Variants in KCNAB1 observed in about 807,000 individuals in gnomAD.
The protein encoded by KCNAB1 is voltage-gated potassium channel subunit beta-1.
Under a neutral mutation model 64.6 loss-of-function variants are expected in KCNAB1, and 35 were observed. That is an observed-to-expected ratio of 0.54 (90% CI 0.41 to 0.72). KCNAB1 has a LOEUF of 0.72. KCNAB1 is among the 30% of genes least tolerant of loss of function. The pLI is 0.00. For synonymous variants in KCNAB1, 177 were observed against 183.8 expected (o/e 0.96, Z 0.30); for missense variants, 401 against 512.9 (o/e 0.78, Z 2.11).
chr3:156,176,325 C>G, intron 1 of KCNAB1: 1 of 898,074 alleles, frequency 1.1e-6, no homozygotes, highest in Middle Eastern at 2.1e-4. Flanking sequence ...CATTGAAGGT[C>G]ACAGCTAACA....
intron 8 of KCNAB1, among the ~76,000 whole-genome samples, chr3:156,481,791 A>G (rs1470743239): frequency 6.6e-6 from 1 of 152,166 alleles, no homozygotes; most frequent in African/African-American, 2.4e-5. Context: ...GGGAAAAGCT[A>G]CTATCCTCAC....
chr3:156,369,864 A>G (rs1726187158), intron 1 of KCNAB1, among the ~76,000 whole-genome samples: 1 of 152,194 alleles, frequency 6.6e-6, no homozygotes, highest in South Asian at 2.1e-4. Context: ...TGAATTCTTA[A>G]TTTGCTCCAA....
intron 1 of KCNAB1, among the ~76,000 whole-genome samples, chr3:156,135,942 T>C (rs931349716): frequency 6.6e-6 from 1 of 152,242 alleles, no homozygotes; most frequent in Non-Finnish European, 1.5e-5. Context: ...ATAAGCATCA[T>C]TCAGATAATC....
intron 3 of KCNAB1, among the ~76,000 whole-genome samples, chr3:156,454,591 A>C (rs1712250630): frequency 6.6e-6 from 1 of 151,964 alleles, no homozygotes; most frequent in Non-Finnish European, 1.5e-5. Flanking sequence ...TTACTACAGG[A>C]CTCTGTCTGA....
chr3:156,142,229 T>C (rs576667924), intron 1 of KCNAB1, among the ~76,000 whole-genome samples: 14 of 152,358 alleles, frequency 9.2e-5, no homozygotes, highest in African/African-American at 3.4e-4. Flanking sequence ...TCACGTGGTA[T>C]TTCATAGAGC....
chr3:156,140,282 A>G (rs1196845995), intron 1 of KCNAB1, among the ~76,000 whole-genome samples: 5 of 152,184 alleles, frequency 3.3e-5, no homozygotes, highest in Admixed American at 1.3e-4. Flanking sequence ...TGGTAGTAAG[A>G]TAATGTTTTC....
chr3:156,150,374 G>A (rs998557790), intron 1 of KCNAB1, among the ~76,000 whole-genome samples: 3 of 152,116 alleles, frequency 2.0e-5, no homozygotes, highest in African/African-American at 4.8e-5. Context: ...TGTTGAGAGG[G>A]GCAGATATTC....
intron 12 of KCNAB1, among the ~76,000 whole-genome samples, chr3:156,528,946 G>T (rs1439248739): frequency 6.6e-6 from 1 of 152,168 alleles, no homozygotes; most frequent in East Asian, 1.9e-4. Flanking sequence ...ACTGCTGCTG[G>T]CTGGATGAGA....
At chr3:156,386,487 A>T (rs775613325) in intron 1 of KCNAB1, among the ~76,000 whole-genome samples, 16 of 152,166 alleles carry the variant, frequency 1.1e-4, no homozygotes, top group Non-Finnish European at 1.8e-4. Context: ...TCTGCATTCA[A>T]TTGACACTTC....
At chr3:156,470,578 C>T (rs1713811954) in intron 7 of KCNAB1, among the ~76,000 whole-genome samples, 1 of 152,128 alleles carries the variant, frequency 6.6e-6, no homozygotes, top group South Asian at 2.1e-4. Flanking sequence ...GGTAGGTCAC[C>T]AAGTAAGAAT....
chr3:156,343,039 A>G (rs1297909914), intron 1 of KCNAB1, among the ~76,000 whole-genome samples: 2 of 152,188 alleles, frequency 1.3e-5, no homozygotes, highest in Admixed American at 1.3e-4. Flanking sequence ...TTGTTATTAT[A>G]AAAAATTGTA....
rs139969306 is a variant in KCNAB1, at chr3:156,409,255, C to T, written c.276-12361C>T. Among the ~76,000 whole-genome samples, 269 of 152,208 alleles carry T rather than the reference C, an allele frequency of 1.8e-3. 3 individuals carry two copies. In the East Asian group the frequency reaches 0.039, roughly 22 times the overall value. On this transcript the variant is annotated intron_variant, in intron 1 of 13. Coordinates refer to ENST00000490337, the MANE Select transcript of KCNAB1 (RefSeq NM_172160.3). Reference sequence around the variant, plus strand: ...TTAGAACCAGTCAAGTCATTCAACTCGAATAAAGTATCAGTAGTGATTTTA... The same window carrying T: ...TTAGAACCAGTCAAGTCATTCAACTTGAATAAAGTATCAGTAGTGATTTTA...
chr3:156,338,268 G>T (rs1723852424), intron 1 of KCNAB1, among the ~76,000 whole-genome samples: 1 of 127,342 alleles, frequency 7.9e-6, no homozygotes, highest in Admixed American at 8.9e-5. Flanking sequence ...TTCCCTTGGG[G>T]AGTCACTCAT....
chr3:156,253,766 T>G (rs1218103545), intron 1 of KCNAB1, among the ~76,000 whole-genome samples: 1 of 152,186 alleles, frequency 6.6e-6, no homozygotes, highest in Non-Finnish European at 1.5e-5. Flanking sequence ...TGCAGATTCT[T>G]AGGTCCCATC....
chr3:156,463,627 A>G lies in KCNAB1; in HGVS notation c.483-75A>G, dbSNP rs991415073. The G allele has an allele frequency of 1.3e-5, 15 of 1,141,678 alleles. No individual in the cohort carries two copies. The African/African-American group carries it at 2.1e-4, about 16-fold the overall frequency. The allele number at this position is 1,141,678 out of a possible 1,614,324, so 70.7% of individuals were successfully genotyped here. A position where few individuals can be genotyped will look rare whatever the true frequency, so the allele number is the denominator to read the frequency against. On this transcript the variant is annotated intron_variant, in intron 5 of 13. Coordinates refer to ENST00000490337, the MANE Select transcript of KCNAB1 (RefSeq NM_172160.3). ...ATAATAACAAATTCTTTCTGGTGCTATTATAATAATATGACTCGGTACAAT... is the reference window on the plus strand; with the variant it reads ...ATAATAACAAATTCTTTCTGGTGCTGTTATAATAATATGACTCGGTACAAT...
chr3:156,498,451 G>A (rs1300463200), intron 8 of KCNAB1, among the ~76,000 whole-genome samples: 1 of 152,098 alleles, frequency 6.6e-6, no homozygotes, highest in East Asian at 1.9e-4. Flanking sequence ...GAGAGCTAAT[G>A]GTTTTAAATA....
chr3:156,158,226 G>T (rs1715873321), intron 1 of KCNAB1, among the ~76,000 whole-genome samples: 1 of 145,640 alleles, frequency 6.9e-6, no homozygotes, highest in African/African-American at 2.5e-5. Flanking sequence ...AAATAAATGG[G>T]CCAAAAATGT....
intron 8 of KCNAB1, among the ~76,000 whole-genome samples, chr3:156,502,509 G>C (rs1458632505): frequency 7.0e-6 from 1 of 143,258 alleles, no homozygotes; most frequent in African/African-American, 2.6e-5. Flanking sequence ...AAAAAAAAAT[G>C]AAACCAGATC....
chr3:156,441,687 A>G (rs1171012183), intron 2 of KCNAB1, among the ~76,000 whole-genome samples: 1 of 152,168 alleles, frequency 6.6e-6, no homozygotes, highest in Non-Finnish European at 1.5e-5. Flanking sequence ...TAACTACTGG[A>G]TACATTTACT....
Sources: allele counts gnomAD v4.1 joint callset (sites outside exome capture counted in the v4.1 genomes callset), GRCh38; gene constraint gnomAD v4.1.1; transcripts MANE v1.5; gene names NCBI Gene and HGNC (gene_info 2026-07-23, HGNC 2026-07-21).